Variants in ZNF287 observed in about 807,000 individuals in gnomAD.
ZNF287 encodes zinc finger protein 287, also known as zinc finger protein with KRAB and SCAN domains 13.
In ZNF287, 31 loss-of-function variants were observed where a neutral mutation model predicts 73.7. The observed-to-expected ratio is 0.42, with a 90% CI of 0.32 to 0.57. ZNF287 has a LOEUF of 0.57. Among genes scored for constraint, ZNF287 ranks in the 20% least tolerant of loss-of-function variants. The pLI, the probability that ZNF287 is intolerant of heterozygous loss-of-function variation, is 0.13. For synonymous variants in ZNF287, 301 were observed against 307.2 expected, an observed-to-expected ratio of 0.98 and a Z score of 0.21; for missense variants, 641 against 909.3, an observed-to-expected ratio of 0.70 and a Z score of 3.79.
chr17:16,563,578 C>T (rs531256225), intron 4 of ZNF287, 121 bp downstream of exon 4: 47 of 1,174,068 alleles, frequency 4.0e-5, no homozygotes, highest in Middle Eastern at 2.1e-4. Flanking sequence ...CAGTCACTTT[C>T]GTGCTTGAAT....
Position 16,552,315 on chromosome 17 carries a change from T to C in ZNF287, c.1827A>G (p.Gln609=). 6.2e-7 allele frequency: 1 copy of C among 1,613,780 alleles called. No individual in the cohort carries two copies. The highest frequency in any genetic ancestry group is 8.5e-7 in the Non-Finnish European group (1 of 1,179,934). ...KAFSQSANLT[Q]HHRTHTGEKP... is the part of the protein sequence containing the mutation. Reference sequence around the variant, plus strand: ...TCTCTCCAGTATGTGTTCTATGATGTTGAGTAAGATTTGCACTCTGGCTGA... The same window carrying C: ...TCTCTCCAGTATGTGTTCTATGATGCTGAGTAAGATTTGCACTCTGGCTGA... Residue 609 remains glutamine, a synonymous_variant, in exon 6 of 6, where the codon CAA becomes CAG. Coordinates refer to ENST00000395825, the MANE Select transcript of ZNF287 (RefSeq NM_020653.4). The surrounding 1 kb of genome is among the most constrained non-coding windows in gnomAD (Gnocchi z 6.5).
At chr17:16,556,816 A>G (rs150788603) in intron 5 of ZNF287, among the ~76,000 whole-genome samples, 589 of 152,302 alleles carry the variant, frequency 3.9e-3, no homozygotes, top group Middle Eastern at 0.02. Flanking sequence ...ACAAGGCTGA[A>G]TAGTGATCAT....
chr17:16,549,938 A>G lies in ZNF287; in HGVS notation c.*1918T>C, dbSNP rs1906537197. On this transcript the variant is annotated 3_prime_UTR_variant, in exon 6 of 6. Coordinates refer to ENST00000395825, the MANE Select transcript of ZNF287 (RefSeq NM_020653.4). Reference sequence around the variant, plus strand: ...TTTTCACTCCATGCCAGTCAATTCTACTTTATTACTGAAATCTAATTTATA... The same window carrying G: ...TTTTCACTCCATGCCAGTCAATTCTGCTTTATTACTGAAATCTAATTTATA... Among the ~76,000 whole-genome samples, 1 of 152,204 alleles carries G rather than the reference A, an allele frequency of 6.6e-6. No individual in the cohort carries two copies. Among genetic ancestry groups the G allele is most frequent in the Admixed American group, 6.5e-5 (1 of 15,288 alleles).
At position 16,552,478 on chromosome 17, in the gene ZNF287, T is replaced by C; in HGVS notation, c.1664A>G (p.Gln555Arg). 1.2e-6 allele frequency: 2 copies of C among 1,614,160 alleles called. No homozygotes were observed. Among genetic ancestry groups the C allele is most frequent in the Non-Finnish European group, 1.7e-6 (2 of 1,179,996 alleles). The change falls in exon 6 of 6, where the codon CAG (glutamine) becomes CGG (arginine). Residue 555 changes from glutamine to arginine, a missense_variant. Physicochemically the swap from Gln to Arg is conservative, Grantham distance 43 (BLOSUM62 1). This residue lies in a region of ZNF287 where 284 missense variants were observed against 466.8 expected (regional missense o/e 0.61). Coordinates refer to ENST00000395825, the MANE Select transcript of ZNF287 (RefSeq NM_020653.4). This position sits in a 1 kb window ranked among gnomAD's most constrained non-coding sequence, Gnocchi z 6.5. ...ACACTTCTCTCCAGAATGAATTCTC[T>C]GATGTCGAATAAGGTAAGTACTCTG... ...FSQSTYLIRH[Q>R]RIHSGEKCYK...
chr17:16,563,270 T>C, intron 4 of ZNF287, 38 bp from the exon 5 acceptor site: 1 of 1,495,792 alleles, frequency 6.7e-7, no homozygotes, highest in Non-Finnish European at 9.2e-7. Context: ...ATCCTGGAGA[T>C]AAATGGTTGC....
intron 3 of ZNF287, among the ~76,000 whole-genome samples, chr17:16,564,613 T>C (rs1907639471): frequency 6.6e-6 from 1 of 152,250 alleles, no homozygotes; most frequent in Non-Finnish European, 1.5e-5. Flanking sequence ...TATTTTTATG[T>C]GTTCTATGGT....
rs1165312568 is a variant in ZNF287, at chr17:16,552,543, C to T, written c.1599G>A (p.Lys533=). The T allele has an allele frequency of 1.9e-6, 3 of 1,614,052 alleles. No homozygotes were observed. The highest frequency in any genetic ancestry group is 2.5e-6 in the Non-Finnish European group (3 of 1,179,968). The change falls in exon 6 of 6, where the codon AAG becomes AAA. Residue 533 remains lysine (K), a synonymous_variant. Transcript: ENST00000395825. The surrounding 1 kb of genome is among the most constrained non-coding windows in gnomAD (Gnocchi z 6.5). ...AACATTCATTGCATTTATATGGTTT[C>T]TTCCCAGTATGTATTTTTTGATGCT... ...LLQHQKIHTG[K]KPYKCNECWK... is the part of the protein sequence containing the mutation.
At chr17:16,557,985 G>C (rs60249002) in intron 5 of ZNF287, 3 of 152,232 alleles carry the variant, frequency 2.0e-5, no homozygotes, top group African/African-American at 7.2e-5. Flanking sequence ...TGTGCTCTCT[G>C]ATGATCTAAA....
Position 16,552,180 on chromosome 17 carries a change from C to T in ZNF287, c.1962G>A (p.Gly654=). 3.7e-6 allele frequency: 6 copies of T among 1,613,892 alleles called. No individual in the cohort carries two copies. The highest frequency in any genetic ancestry group is 5.1e-6 in the Non-Finnish European group (6 of 1,179,940). The change falls in exon 6 of 6, where the codon GGG becomes GGA. Residue 654 remains glycine (G), a synonymous_variant. Transcript: ENST00000395825. This position sits in a 1 kb window ranked among gnomAD's most constrained non-coding sequence, Gnocchi z 6.5. The part of the protein sequence containing the change: ...GEKPFKCNIC[G]KAYRQGANLT... Reference sequence around the variant, plus strand: ...GATTTGCGCCTTGTCTATATGCTTTCCCACATATATTGCATTTAAAGGGTT... The same window carrying T: ...GATTTGCGCCTTGTCTATATGCTTTTCCACATATATTGCATTTAAAGGGTT...
At chr17:16,560,462 G>C (rs1472604837) in intron 5 of ZNF287, among the ~76,000 whole-genome samples, 1 of 150,976 alleles carries the variant, frequency 6.6e-6, no homozygotes, top group Non-Finnish European at 1.5e-5. Context: ...TGATTCTCCT[G>C]CCTCAGCCTC....
At chr17:16,560,990 G>A (rs1907417266) in intron 5 of ZNF287, among the ~76,000 whole-genome samples, 2 of 146,812 alleles carry the variant, frequency 1.4e-5, no homozygotes, top group Admixed American at 6.9e-5. Context: ...GCAACAGACC[G>A]AGACTCCGTC....
chr17:16,549,510 A>G lies in ZNF287; in HGVS notation c.*2346T>C, dbSNP rs533014609. 6.6e-6 allele frequency among the ~76,000 whole-genome samples: 1 copy of G among 152,342 alleles called. No homozygotes were observed. Among genetic ancestry groups the G allele is most frequent in the Admixed American group, 6.5e-5 (1 of 15,296 alleles). ...AACTGTTATTTTAAAAAACAGCTAT[A>G]TAAGCACAGTTTGAGTATTCTGCAA... On this transcript the variant is annotated 3_prime_UTR_variant, in exon 6 of 6. Coordinates refer to ENST00000395825, the MANE Select transcript of ZNF287 (RefSeq NM_020653.4).
chr17:16,568,920 G>A (rs1907911707), intron 1 of ZNF287, 32 bp downstream of exon 1: 1 of 152,448 alleles, frequency 6.6e-6, no homozygotes, highest in East Asian at 1.9e-4. Context: ...TGATCGCGCG[G>A]ACACTCGCGC....
intron 3 of ZNF287, among the ~76,000 whole-genome samples, chr17:16,564,491 C>T (rs1907632707): frequency 6.6e-6 from 1 of 152,148 alleles, no homozygotes; most frequent in Non-Finnish European, 1.5e-5. Flanking sequence ...AGTGATCCAC[C>T]AGGCCTGACT....
intron 5 of ZNF287, among the ~76,000 whole-genome samples, chr17:16,560,421 C>CT (rs1332827529): frequency 2.0e-5 from 3 of 150,850 alleles, no homozygotes; most frequent in African/African-American, 2.4e-5. Context: ...ACAATCTTGG[C>CT]TCACTGCAAC....
At chr17:16,561,002 CA>C (rs902031889) in intron 5 of ZNF287, among the ~76,000 whole-genome samples, 16 of 123,190 alleles carry the variant, frequency 1.3e-4, no homozygotes, top group Admixed American at 1.8e-4. Context: ...GACTCCGTCT[CA>C]AAAAAAAAAG....
Position 16,559,572 on chromosome 17 carries a change from A to AACACACACACACAC in ZNF287, c.715+3560_715+3573dup, listed in dbSNP as rs148356389. Among the ~76,000 whole-genome samples the AACACACACACACAC allele has an allele frequency of 4.7e-3, 698 of 147,474 alleles. 5 individuals are homozygous for AACACACACACACAC. Among genetic ancestry groups the AACACACACACACAC allele is most frequent in the African/African-American group, 0.016 (638 of 39,732 alleles). On this transcript the variant is annotated intron_variant, in intron 5 of 5. Coordinates refer to ENST00000395825, the MANE Select transcript of ZNF287 (RefSeq NM_020653.4). The stretch of plus-strand genomic sequence containing the variant: ...TATGAACTCCTGACTTAAAAGAACT[A>AACACACACACACAC]ACACACACACACACACACACACACA...
rs1344905213 is a variant in ZNF287, at chr17:16,553,355, T to C, written c.787A>G (p.Thr263Ala). 2.5e-6 allele frequency: 4 copies of C among 1,612,026 alleles called. No individual in the cohort carries two copies. Among genetic ancestry groups the C allele is most frequent in the Non-Finnish European group, 3.4e-6 (4 of 1,178,938 alleles). The stretch of plus-strand genomic sequence containing the variant: ...TCATATGAGTCTTCTAATTTGATGG[T>C]ATGGGTTTCTTCCTTTGTGAGTTTA... ...MSKLTKEETH[T>A]IKLEDSYDYD... is the part of the protein sequence containing the mutation. Residue 263 changes from threonine (T) to alanine (A), a missense_variant, in exon 6 of 6, where the codon ACC becomes GCC. Thr to Ala is a moderately conservative substitution (Grantham distance 58). Around this residue, in one of 2 missense-constraint regions of ZNF287, gnomAD observed 357 missense variants for 442.4 expected, o/e 0.81. Transcript: ENST00000395825.
chr17:16,562,449 C>T (rs982888332), intron 5 of ZNF287, among the ~76,000 whole-genome samples: 15 of 152,248 alleles, frequency 9.9e-5, no homozygotes, highest in Admixed American at 9.1e-4. Context: ...TATTGCCACG[C>T]TTTTATCCTG....
Sources: allele counts gnomAD v4.1 joint callset (sites outside exome capture counted in the v4.1 genomes callset), GRCh38; gene constraint gnomAD v4.1.1; regional missense constraint gnomAD v4.1.1; non-coding constraint Gnocchi (gnomAD v3.1); transcripts MANE v1.5; gene names NCBI Gene and HGNC (gene_info 2026-07-23, HGNC 2026-07-21).